Variants in NELL2 observed in about 807,000 individuals in gnomAD.
NELL2 encodes protein kinase C-binding protein NELL2.
NELL2 carries 41 observed loss-of-function variants against 109.6 expected under a neutral mutation model. The observed-to-expected ratio is 0.37, with a 90% CI of 0.29 to 0.49. The LOEUF is 0.49. Among genes scored for constraint, NELL2 ranks in the 20% least tolerant of loss-of-function variants. The probability of loss-of-function intolerance (pLI) is 0.98; values close to 1 mark genes in which losing one functional copy is unlikely to be tolerated. For synonymous variants in NELL2, 355 were observed against 344.7 expected (o/e 1.03, Z -0.33); for missense variants, 900 against 1,008.3 (o/e 0.89, Z 1.45).
At chr12:44,875,535 C>G (rs1323634652) in intron 1 of NELL2, 182 bp from the exon 2 acceptor site, 5 of 1,613,828 alleles carry the variant, frequency 3.1e-6, no homozygotes, top group African/African-American at 1.3e-5. Flanking sequence ...CTTTAAATAG[C>G]GGAGCACCCA....
At chr12:44,645,295 G>C (rs1249232145) in intron 13 of NELL2, among the ~76,000 whole-genome samples, 1 of 152,144 alleles carries the variant, frequency 6.6e-6, no homozygotes, top group Non-Finnish European at 1.5e-5. Context: ...TTATTACTCT[G>C]TCTGCTGTGT....
chr12:44,683,405 C>G (rs1323798600), intron 12 of NELL2, among the ~76,000 whole-genome samples: 1 of 145,664 alleles, frequency 6.9e-6, no homozygotes, highest in Non-Finnish European at 1.5e-5. Context: ...ATTGAATACC[C>G]TTTATTTCCT....
Position 44,657,370 on chromosome 12 carries a change from G to C in NELL2, c.1444+8114C>G, listed in dbSNP as rs190031803. ...GTGCATGCATCTGTGTGGTATATGA[G>C]GTATGACTCAAAACTGAATTTTTCC... On this transcript the variant is annotated intron_variant, in intron 13 of 19. Transcript: ENST00000429094. Among the ~76,000 whole-genome samples the C allele has an allele frequency of 8.9e-4, 135 of 152,164 alleles. 1 individual carries two copies. Among genetic ancestry groups the C allele is most frequent in the Admixed American group, 1.9e-3 (29 of 15,284 alleles).
chr12:44,833,021 A>C (rs1181887669), intron 2 of NELL2, among the ~76,000 whole-genome samples: 3 of 152,228 alleles, frequency 2.0e-5, no homozygotes, highest in Non-Finnish European at 4.4e-5. Context: ...AATGCCCAGA[A>C]ACACCTTCCA....
At chr12:44,572,319 AT>A (rs1555178156) in intron 15 of NELL2, among the ~76,000 whole-genome samples, 5 of 151,114 alleles carry the variant, frequency 3.3e-5, no homozygotes, top group Admixed American at 6.6e-5. Flanking sequence ...TTAAAAAAAA[AT>A]TTTTTTTTCT....
chr12:44,853,802 T>G (rs1169608152), intron 2 of NELL2, among the ~76,000 whole-genome samples: 1 of 152,188 alleles, frequency 6.6e-6, no homozygotes, highest in African/African-American at 2.4e-5. Context: ...TTTTATAGTA[T>G]AATTAGCAAT....
At chr12:44,709,684 T>C (rs1938087130) in intron 11 of NELL2, among the ~76,000 whole-genome samples, 1 of 152,192 alleles carries the variant, frequency 6.6e-6, no homozygotes. Context: ...AGGAGCTTTT[T>C]TGTAGAAATT....
upstream of NELL2, chr12:44,876,944 G>A: frequency 8.4e-7 from 1 of 1,192,116 alleles, no homozygotes. Context: ...CTTCCCCGGC[G>A]CGGAGAGCTT....
At chr12:44,897,661 G>T (rs1346684843) in intron 1 of NELL2, among the ~76,000 whole-genome samples, 7 of 152,064 alleles carry the variant, frequency 4.6e-5, no homozygotes, top group Admixed American at 3.3e-4. Context: ...ACACCACCAG[G>T]GCCCTGGCTT....
At chr12:44,661,302 T>G (rs1363418824) in intron 13 of NELL2, among the ~76,000 whole-genome samples, 1 of 152,206 alleles carries the variant, frequency 6.6e-6, no homozygotes, top group African/African-American at 2.4e-5. Flanking sequence ...ACACAGCACT[T>G]GTCCTTTGGG....
intron 2 of NELL2, among the ~76,000 whole-genome samples, chr12:44,841,170 T>C (rs1186132054): frequency 6.6e-6 from 1 of 152,200 alleles, no homozygotes; most frequent in Non-Finnish European, 1.5e-5. Context: ...GAACAGAAAT[T>C]GGCAGGCTAT....
intron 2 of NELL2, among the ~76,000 whole-genome samples, chr12:44,868,756 A>G (rs1165772039): frequency 2.0e-5 from 3 of 152,156 alleles, no homozygotes; most frequent in Non-Finnish European, 2.9e-5. Context: ...GTTGTTGGGG[A>G]GATGTTGGTC....
rs1268694286 is a variant in NELL2 at position 44,635,566 on chromosome 12, TC to T, written c.1445-24597del. 2.0e-5 allele frequency among the ~76,000 whole-genome samples: 3 copies of T among 152,320 alleles called. No homozygotes were observed. The East Asian group carries it at 5.8e-4, about 29-fold the overall frequency. On this transcript the variant is annotated intron_variant, in intron 13 of 19. Coordinates refer to ENST00000429094, the MANE Select transcript of NELL2 (RefSeq NM_001145108.2). ...ATCCTTTCCCCATTGCTTGTTTTTC[TC>T]AGGTTTGTCAAAGATCAGATGGTTG...
chr12:44,827,718 G>A (rs1034993031), intron 2 of NELL2, among the ~76,000 whole-genome samples: 1 of 152,116 alleles, frequency 6.6e-6, no homozygotes, highest in African/African-American at 2.4e-5. Flanking sequence ...ATCTGTTGGT[G>A]GACATTTTGG....
chr12:44,638,905 AT>A lies in NELL2; in HGVS notation c.1444+26578del, dbSNP rs1946744225. On this transcript the variant is annotated intron_variant, in intron 13 of 19. Coordinates refer to ENST00000429094, the MANE Select transcript of NELL2 (RefSeq NM_001145108.2). ...TAATGTGAGTCATATATATAATTTA[AT>A]TTTTCTAATAGTCTCATTAAAAATT... Among the ~76,000 whole-genome samples the A allele has an allele frequency of 3.9e-5, 6 of 152,132 alleles. No individual in the cohort carries two copies. The South Asian group carries it at 1.2e-3, about 31-fold the overall frequency.
intron 9 of NELL2, among the ~76,000 whole-genome samples, chr12:44,731,354 T>G (rs1939359889): frequency 6.6e-6 from 1 of 151,938 alleles, no homozygotes; most frequent in East Asian, 1.9e-4. Context: ...TCAACAATAC[T>G]AGCAAACTCA....
intron 15 of NELL2, among the ~76,000 whole-genome samples, chr12:44,606,835 T>C (rs1206046806): frequency 6.6e-6 from 1 of 152,106 alleles, no homozygotes; most frequent in African/African-American, 2.4e-5. Context: ...AAATCTAGGC[T>C]TTAATATAGT....
Position 44,613,396 on chromosome 12 carries a change from G to A in NELL2, c.1445-2426C>T, listed in dbSNP as rs1194965933. Among the ~76,000 whole-genome samples, 5 of 152,020 alleles carry A rather than the reference G, an allele frequency of 3.3e-5. No homozygotes were observed. In the South Asian group the frequency reaches 8.3e-4, roughly 25 times the overall value. On this transcript the variant is annotated intron_variant, in intron 13 of 19. Transcript: ENST00000429094. ...ATAAATGATTAAATGAATAGATGGG[G>A]CAAGATAGGAACTACTTCCTTTGCC...
intron 12 of NELL2, among the ~76,000 whole-genome samples, chr12:44,696,322 C>T (rs1949061185): frequency 6.6e-6 from 1 of 152,100 alleles, no homozygotes; most frequent in South Asian, 2.1e-4. Context: ...TACTAAGATT[C>T]CCATCTTCAG....
Sources: gnomAD v4.1 joint callset for allele counts (sites outside exome capture counted in the v4.1 genomes callset) on GRCh38, gnomAD v4.1.1 for gene constraint, MANE v1.5 for transcripts, NCBI Gene and HGNC (gene_info 2026-07-23, HGNC 2026-07-21) for gene names.